PTPN14: variants seen among roughly 807,000 people sequenced by gnomAD.
The protein encoded by PTPN14 is protein tyrosine phosphatase non-receptor type 14, also known as tyrosine-protein phosphatase non-receptor type 14.
Under a neutral mutation model 126.8 loss-of-function variants are expected in PTPN14, and 53 were observed. That is an observed-to-expected ratio of 0.42 (90% CI 0.34 to 0.53). The LOEUF (loss-of-function observed/expected upper bound fraction) is 0.53, where lower values mean the gene tolerates loss of function less well. Among genes scored for constraint, PTPN14 ranks in the 20% least tolerant of loss-of-function variants. The probability of loss-of-function intolerance (pLI) is 0.08; values close to 1 mark genes in which losing one functional copy is unlikely to be tolerated. For missense variants in PTPN14, 1,257 were observed against 1,552.9 expected (o/e 0.81, Z 3.20); for synonymous variants, 630 against 599.3 (o/e 1.05, Z -0.75).
intron 1 of PTPN14, among the ~76,000 whole-genome samples, chr1:214,478,278 G>A (rs1449309832): frequency 6.6e-6 from 1 of 152,118 alleles, no homozygotes. Context: ...ACATTATTTA[G>A]GCTATTCTGC....
intron 10 of PTPN14, 72 bp downstream of exon 10, chr1:214,393,623 A>G: frequency 2.5e-6 from 3 of 1,201,678 alleles, no homozygotes; most frequent in East Asian, 2.4e-5. Flanking sequence ...AAAGAGATCT[A>G]CAGCACCCCA....
chr1:214,412,933 G>C (rs1659342052), intron 4 of PTPN14, among the ~76,000 whole-genome samples: 1 of 152,164 alleles, frequency 6.6e-6, no homozygotes, highest in East Asian at 1.9e-4. Flanking sequence ...GTAGTGAATT[G>C]ATCATAGCCC....
At chr1:214,434,495 T>C (rs1659867975) in intron 3 of PTPN14, among the ~76,000 whole-genome samples, 1 of 150,734 alleles carries the variant, frequency 6.6e-6, no homozygotes, top group South Asian at 2.1e-4. Context: ...ATGAGTAAGT[T>C]AACAGAAAGT....
At chr1:214,379,556 C>T (rs150449911) in intron 13 of PTPN14, among the ~76,000 whole-genome samples, 2 of 152,348 alleles carry the variant, frequency 1.3e-5, no homozygotes, top group East Asian at 3.9e-4. Flanking sequence ...AGGAAAATAT[C>T]TTGGGCCCCA....
chr1:214,357,925 A>C lies in PTPN14; in HGVS notation c.3561T>G (p.Ile1187Met). ...LIQFLQNSRL[I>M] Reference sequence around the variant, plus strand: ...TCCAGGAGCTGGATTGGGGTGATTAAATGAGTCTGGAGTTTTGGAGGAACT... The same window carrying C: ...TCCAGGAGCTGGATTGGGGTGATTACATGAGTCTGGAGTTTTGGAGGAACT... The change falls in exon 19 of 19, where the codon ATT becomes ATG. Residue 1187 changes from isoleucine (I) to methionine (M), a missense_variant. Ile to Met is a conservative substitution (Grantham distance 10, BLOSUM62 1). Transcript: ENST00000366956. The C allele has an allele frequency of 6.2e-7, 1 of 1,612,510 alleles. No individual in the cohort carries two copies. The highest frequency in any genetic ancestry group is 1.7e-5 in the Admixed American group (1 of 60,000).
intron 18 of PTPN14, among the ~76,000 whole-genome samples, chr1:214,363,139 T>C (rs1445951083): frequency 6.6e-6 from 1 of 152,210 alleles, no homozygotes; most frequent in African/African-American, 2.4e-5. Context: ...GACATTTCTG[T>C]TATGTAGTCT....
chr1:214,452,245 TCG>T (rs1430102976), intron 2 of PTPN14, among the ~76,000 whole-genome samples: 1 of 151,974 alleles, frequency 6.6e-6, no homozygotes, highest in Non-Finnish European at 1.5e-5. Context: ...GTAAGGGGAG[TCG>T]CGCAGGGAAG....
intron 1 of PTPN14, among the ~76,000 whole-genome samples, chr1:214,527,365 G>T (rs1338774068): frequency 6.6e-6 from 1 of 152,094 alleles, no homozygotes; most frequent in African/African-American, 2.4e-5. Context: ...AATTTATACT[G>T]CGAAGCCCTA....
In PTPN14 at chr1:214,451,855, T is replaced by C. The variant is rs1660278699; in HGVS notation, c.294A>G (p.Gly98=). 6.2e-7 allele frequency: 1 copy of C among 1,614,152 alleles called. No homozygotes were observed. The highest frequency in any genetic ancestry group is 8.5e-7 in the Non-Finnish European group (1 of 1,180,030). ...KFANEPLLFF[G]VMFYVPNVSW... ...ACACATTTGGCACATAGAACATGAC[T>C]CCAAAGAAAAGCAAAGGCTCATTAG... Residue 98 remains glycine (G), a synonymous_variant, in exon 3 of 19, where the codon GGA becomes GGG. Coordinates refer to ENST00000366956, the MANE Select transcript of PTPN14 (RefSeq NM_005401.5).
At chr1:214,388,734 T>C (rs993989229) in intron 11 of PTPN14, among the ~76,000 whole-genome samples, 1 of 152,204 alleles carries the variant, frequency 6.6e-6, no homozygotes, top group East Asian at 1.9e-4. Context: ...ATTAGCCTTA[T>C]AGATTTTAAA....
intron 1 of PTPN14, among the ~76,000 whole-genome samples, chr1:214,510,454 A>G (rs2102443017): frequency 6.6e-6 from 1 of 152,340 alleles, no homozygotes; most frequent in East Asian, 1.9e-4. Flanking sequence ...AACGCAATAA[A>G]ATGGTGTATG....
At position 214,364,476 on chromosome 1, in the gene PTPN14, G is replaced by A. The variant is rs1367058425; in HGVS notation, c.3435+36C>T. ...GGCCAGGGTGTAGACTTGTCCCCAAGGTGGAGTATCCGGAGAGAAGCCCAG... is the reference window on the plus strand; with the variant it reads ...GGCCAGGGTGTAGACTTGTCCCCAAAGTGGAGTATCCGGAGAGAAGCCCAG... On this transcript the variant is annotated intron_variant, in intron 18 of 18. Transcript: ENST00000366956. This position sits in a 1 kb window ranked among gnomAD's most constrained non-coding sequence, Gnocchi z 4.1. 1.2e-6 allele frequency: 2 copies of A among 1,604,254 alleles called. No homozygotes were observed. The highest frequency in any genetic ancestry group is 1.7e-5 in the Admixed American group (1 of 59,560).
At chr1:214,501,295 C>A (rs1182888684) in intron 1 of PTPN14, among the ~76,000 whole-genome samples, 8 of 152,050 alleles carry the variant, frequency 5.3e-5, no homozygotes, top group Non-Finnish European at 1.5e-5. Context: ...AGACTGCAGT[C>A]CAGTGGCACT....
At chr1:214,403,130 G>T (rs773294039) in intron 5 of PTPN14, among the ~76,000 whole-genome samples, 177 bp from the exon 6 acceptor site, 1 of 152,178 alleles carries the variant, frequency 6.6e-6, no homozygotes, top group Non-Finnish European at 1.5e-5. Flanking sequence ...GATTTCTACT[G>T]TTATAACACG....
At chr1:214,397,164 G>C (rs570150453) in intron 8 of PTPN14, among the ~76,000 whole-genome samples, 1 of 152,302 alleles carries the variant, frequency 6.6e-6, no homozygotes, top group African/African-American at 2.4e-5. Flanking sequence ...TACATGGCCA[G>C]TTAAGAGTCA....
At chr1:214,545,096 G>C (rs1256847496) in intron 1 of PTPN14, among the ~76,000 whole-genome samples, 1 of 152,148 alleles carries the variant, frequency 6.6e-6, no homozygotes. Flanking sequence ...ATGGGTATGA[G>C]AAGATAGGAA....
intron 11 of PTPN14, among the ~76,000 whole-genome samples, chr1:214,389,670 T>C (rs530431404): frequency 6.6e-6 from 1 of 152,336 alleles, no homozygotes; most frequent in East Asian, 1.9e-4. Flanking sequence ...CTGCATCCTC[T>C]CTGGATAATG....
At chr1:214,388,317 A>G (rs532458168) in intron 11 of PTPN14, among the ~76,000 whole-genome samples, 40 of 152,298 alleles carry the variant, frequency 2.6e-4, no homozygotes, top group African/African-American at 9.6e-4. Context: ...TTTGTTTGAA[A>G]TAAGAGTTTT....
chr1:214,544,062 T>C (rs891433929), intron 1 of PTPN14, among the ~76,000 whole-genome samples: 35 of 151,990 alleles, frequency 2.3e-4, no homozygotes, highest in African/African-American at 7.7e-4. Flanking sequence ...GTAGAGGAGA[T>C]AGGAAGGTAA....
Sources: gnomAD v4.1 joint callset for allele counts (sites outside exome capture counted in the v4.1 genomes callset) on GRCh38, gnomAD v4.1.1 for gene constraint, Gnocchi (gnomAD v3.1) non-coding constraint, MANE v1.5 for transcripts, NCBI Gene and HGNC (gene_info 2026-07-23, HGNC 2026-07-21) for gene names.